HJURP: variants seen among roughly 807,000 people sequenced by gnomAD.
The protein encoded by HJURP is 14-3-3-associated AKT substrate.
Under a neutral mutation model 72.0 loss-of-function variants are expected in HJURP, and 49 were observed. The observed-to-expected ratio is 0.68, with a 90% CI of 0.54 to 0.86. The LOEUF (loss-of-function observed/expected upper bound fraction) is 0.86. Ranked by LOEUF, HJURP falls within the 40% of genes least tolerant of loss-of-function variation. The probability of loss-of-function intolerance (pLI) is 0.00; values close to 1 mark genes in which losing one functional copy is unlikely to be tolerated. For missense variants in HJURP, 908 were observed against 936.3 expected (o/e 0.97, Z 0.39); for synonymous variants, 357 against 347.1 (o/e 1.03, Z -0.32).
At position 233,841,045 on chromosome 2, in the gene HJURP, C is replaced by T; in HGVS notation, c.1735G>A (p.Glu579Lys). The T allele has an allele frequency of 6.2e-7, 1 of 1,614,216 alleles. No homozygotes were observed. Among genetic ancestry groups the T allele is most frequent in the Non-Finnish European group, 8.5e-7 (1 of 1,180,044 alleles). Reference sequence around the variant, plus strand: ...AGCTTGTCAAATTCTTCTTTAATTTCATCGTAACGATTCCTTCCGTGGCCT... The same window carrying T: ...AGCTTGTCAAATTCTTCTTTAATTTTATCGTAACGATTCCTTCCGTGGCCT... ...VPGHGRNRYD[E>K]IKEEFDKLHQ... The change falls in exon 8 of 9, where the codon GAA becomes AAA. Residue 579 changes from glutamate (E) to lysine (K), a missense_variant. By Grantham distance (56) the Glu-to-Lys change is moderately conservative. Coordinates refer to ENST00000411486, the MANE Select transcript of HJURP (RefSeq NM_018410.5).
rs375557380 is a variant in HJURP at position 233,854,532 on chromosome 2, G to C, written c.-32C>G. Reference sequence around the variant, plus strand: ...CAGCCAGTACCCAAGCGCCAACCCGGACTGCAGGGCCTCGCGCGCCACAAA... The same window carrying C: ...CAGCCAGTACCCAAGCGCCAACCCGCACTGCAGGGCCTCGCGCGCCACAAA... On this transcript the variant is annotated 5_prime_UTR_variant, in exon 1 of 9. Coordinates refer to ENST00000411486, the MANE Select transcript of HJURP (RefSeq NM_018410.5). The C allele has an allele frequency of 4.0e-6, 6 of 1,498,990 alleles. No individual in the cohort carries two copies. The African/African-American group carries it at 7.0e-5, about 17-fold the overall frequency. 92.9% of individuals were successfully genotyped at this position (1,498,990 alleles called of 1,614,324 possible).
rs1391134486 is a variant in HJURP at position 233,849,843 on chromosome 2, G to T, written c.257C>A (p.Pro86His). ...EGEIQDSSMK[P>H]ADRTDGSVQA... ...CACGGAGCCATCTGTCCTGTCCGCG[G>T]GCTTCATGGAGGAGTCCTCCAAGTG... The change falls in exon 4 of 9, where the codon CCC (proline) becomes CAC (histidine). Residue 86 changes from proline to histidine, a missense_variant. Pro to His is a moderately conservative substitution (Grantham distance 77, BLOSUM62 -2). This residue lies in a region of HJURP where 299 missense variants were observed against 286.7 expected (regional missense o/e 1.04). Transcript: ENST00000411486. The T allele has an allele frequency of 1.9e-6, 3 of 1,552,128 alleles. 1 individual carries two copies. Among genetic ancestry groups the T allele is most frequent in the South Asian group, 2.4e-5 (2 of 84,134 alleles).
chr2:233,851,119 A>G (rs1321238975), intron 3 of HJURP, among the ~76,000 whole-genome samples: 2 of 152,356 alleles, frequency 1.3e-5, no homozygotes, highest in East Asian at 3.9e-4. Flanking sequence ...TTTAAGCAAA[A>G]ACCTTAAATA....
In HJURP at chr2:233,840,875, AC is replaced by A. The variant is rs764132217; in HGVS notation, c.1904del (p.Gly635ValfsTer106). The A allele has an allele frequency of 1.9e-6, 3 of 1,613,988 alleles. No homozygotes were observed. In the South Asian group the frequency reaches 3.3e-5, roughly 18 times the overall value. On this transcript the variant is annotated frameshift_variant, in exon 8 of 9. Coordinates refer to ENST00000411486, the MANE Select transcript of HJURP (RefSeq NM_018410.5). LOFTEE classifies it high-confidence loss of function. Reference sequence around the variant, plus strand: ...GGGGTGATGATGGCAACTTCTGGAAACCCTGGAAGTGAGGGTCTGGATTTAA... The same window carrying A: ...GGGGTGATGATGGCAACTTCTGGAAACCTGGAAGTGAGGGTCTGGATTTAA... ...GKLNPDPHFQGFQKLPSSPLG... is the reference protein window; with the variant it reads ...GKLNPDPHFQXFQKLPSSPLG...
chr2:233,852,818 C>T (rs1359942137), intron 2 of HJURP, among the ~76,000 whole-genome samples, 198 bp from the exon 3 acceptor site: 1 of 152,198 alleles, frequency 6.6e-6, no homozygotes, highest in Non-Finnish European at 1.5e-5. Flanking sequence ...TCATGGAAAT[C>T]TCTCCTACCT....
chr2:233,840,771 C>T lies in HJURP; in HGVS notation c.2009G>A (p.Arg670Lys), dbSNP rs963161417. 2 of 1,613,680 alleles carry T rather than the reference C, an allele frequency of 1.2e-6. No individual in the cohort carries two copies. Among genetic ancestry groups the T allele is most frequent in the East Asian group, 2.2e-5 (1 of 44,868 alleles). The change falls in exon 8 of 9, where the codon AGG becomes AAG. Residue 670 changes from arginine (R) to lysine (K), a missense_variant. By Grantham distance (26) the Arg-to-Lys change is conservative. Coordinates refer to ENST00000411486, the MANE Select transcript of HJURP (RefSeq NM_018410.5). ...GAACTGATGGTCCCTCGTGCCATCCCTCGTGATGGCACGAGCAACACATGT... is the reference window on the plus strand; with the variant it reads ...GAACTGATGGTCCCTCGTGCCATCCTTCGTGATGGCACGAGCAACACATGT... ...SSTCVARAIT[R>K]DGTRDHQFPA...
chr2:233,849,920 C>T, intron 3 of HJURP, 61 bp from the exon 4 acceptor site: 1 of 996,922 alleles, frequency 1.0e-6, no homozygotes, highest in Non-Finnish European at 1.5e-6. Context: ...TTCAAAGTCA[C>T]CGCAAAATAA....
At position 233,846,321 on chromosome 2, in the gene HJURP, G is replaced by T. The variant is rs1011525142; in HGVS notation, c.403-501C>A. Reference sequence around the variant, plus strand: ...ACAAAAATTAGCTGGGCATGGTGGTGGGCGCCTGTAGTCCCAGCTACTTGG... The same window carrying T: ...ACAAAAATTAGCTGGGCATGGTGGTTGGCGCCTGTAGTCCCAGCTACTTGG... On this transcript the variant is annotated intron_variant, in intron 5 of 8. Transcript: ENST00000411486. This position sits in a 1 kb window ranked among gnomAD's most constrained non-coding sequence, Gnocchi z 4.3. Among the ~76,000 whole-genome samples the T allele has an allele frequency of 6.6e-6, 1 of 152,026 alleles. No individual in the cohort carries two copies. Among genetic ancestry groups the T allele is most frequent in the Non-Finnish European group, 1.5e-5 (1 of 67,994 alleles).
At position 233,841,634 on chromosome 2, in the gene HJURP, C is replaced by A; in HGVS notation, c.1146G>T (p.Ser382=). 1 of 1,614,144 alleles carries A rather than the reference C, an allele frequency of 6.2e-7. No homozygotes were observed. Among genetic ancestry groups the A allele is most frequent in the Non-Finnish European group, 8.5e-7 (1 of 1,180,012 alleles). The change falls in exon 8 of 9, where the codon TCG becomes TCT. Residue 382 remains serine, a synonymous_variant. Transcript: ENST00000411486. ...CGAAGTAAATCAAGGAAGAATACTT[C>A]GAGGGTGTCACTTTGCGCTCCTTCC... ...PSWKERKVTP[S]KYSSLIYFDS... is the part of the protein sequence containing the mutation.
intron 6 of HJURP, among the ~76,000 whole-genome samples, chr2:233,845,500 C>A (rs1705340018): frequency 6.6e-6 from 1 of 152,162 alleles, no homozygotes; most frequent in Non-Finnish European, 1.5e-5. Flanking sequence ...GGGCAGAGCA[C>A]CCCTGCCAGG....
In HJURP at chr2:233,849,834, C is replaced by A; in HGVS notation, c.266G>T (p.Arg89Met). The A allele has an allele frequency of 6.4e-7, 1 of 1,553,000 alleles. No homozygotes were observed. The highest frequency in any genetic ancestry group is 1.4e-5 in the African/African-American group (1 of 73,306). The stretch of plus-strand genomic sequence containing the variant: ...TGCAGCTTGCACGGAGCCATCTGTC[C>A]TGTCCGCGGGCTTCATGGAGGAGTC... ...IQDSSMKPAD[R>M]TDGSVQAAAW... The change falls in exon 4 of 9, where the codon AGG becomes ATG. Residue 89 changes from arginine to methionine, a missense_variant. Transcript: ENST00000411486.
At chr2:233,850,423 G>A (rs370669231) in intron 3 of HJURP, among the ~76,000 whole-genome samples, 4 of 152,204 alleles carry the variant, frequency 2.6e-5, no homozygotes, top group African/African-American at 9.6e-5. Flanking sequence ...GCCTGCTTCA[G>A]CTCTCCAGAG....
At chr2:233,842,671 T>TGACTG (rs1705261854) in intron 7 of HJURP, among the ~76,000 whole-genome samples, 1 of 151,896 alleles carries the variant, frequency 6.6e-6, no homozygotes. Context: ...GTTAAATTGA[T>TGACTG]AAAGAGAAAA....
In HJURP at chr2:233,841,635, G is replaced by C. The variant is rs778621920; in HGVS notation, c.1145C>G (p.Ser382Trp). 1 of 1,614,142 alleles carries C rather than the reference G, an allele frequency of 6.2e-7. No individual in the cohort carries two copies. The highest frequency in any genetic ancestry group is 8.5e-7 in the Non-Finnish European group (1 of 1,180,002). The change falls in exon 8 of 9, where the codon TCG becomes TGG. Residue 382 changes from serine (S) to tryptophan (W), a missense_variant. By Grantham distance (177) the Ser-to-Trp change is radical. Transcript: ENST00000411486. ...PSWKERKVTP[S>W]KYSSLIYFDS... ...GAAGTAAATCAAGGAAGAATACTTC[G>C]AGGGTGTCACTTTGCGCTCCTTCCA...
At chr2:233,844,942 G>A (rs1705321009) in intron 6 of HJURP, among the ~76,000 whole-genome samples, 1 of 151,964 alleles carries the variant, frequency 6.6e-6, no homozygotes, top group Admixed American at 6.6e-5. Context: ...GCAGGTGAGT[G>A]TGCCCACCTC....
At position 233,841,138 on chromosome 2, in the gene HJURP, T is replaced by C. The variant is rs1705216333; in HGVS notation, c.1642A>G (p.Ser548Gly). The change falls in exon 8 of 9, where the codon AGT becomes GGT. Residue 548 changes from serine to glycine, a missense_variant. By Grantham distance (56) the Ser-to-Gly change is moderately conservative (BLOSUM62 0). This residue lies in a region of HJURP where 598 missense variants were observed against 619.5 expected (regional missense o/e 0.97). Transcript: ENST00000411486. ...QTSDLHVQGN[S>G]SGIFRKSVSP... ...ACTGACTTTCTAAATATTCCAGAAC[T>C]ATTTCCCTGAACGTGAAGGTCAGAT... 1 of 1,614,146 alleles carries C rather than the reference T, an allele frequency of 6.2e-7. No individual in the cohort carries two copies. Among genetic ancestry groups the C allele is most frequent in the Admixed American group, 1.7e-5 (1 of 60,024 alleles).
chr2:233,844,400 G>C (rs1705306322), intron 6 of HJURP, 117 bp from the exon 7 acceptor site: 3 of 756,544 alleles, frequency 4.0e-6, no homozygotes, highest in Non-Finnish European at 6.9e-6. Flanking sequence ...ATGTCGACAA[G>C]CGTGTGAATG....
At chr2:233,849,451 A>G (rs1395297087) in intron 4 of HJURP, among the ~76,000 whole-genome samples, 1 of 152,114 alleles carries the variant, frequency 6.6e-6, no homozygotes, top group Admixed American at 6.6e-5. Context: ...GTGAGGGTTC[A>G]CAACACCACC....
Position 233,854,527 on chromosome 2 carries a change from A to G in HJURP, c.-27T>C, listed in dbSNP as rs772960994. The stretch of plus-strand genomic sequence containing the variant: ...GGACCCAGCCAGTACCCAAGCGCCA[A>G]CCCGGACTGCAGGGCCTCGCGCGCC... On this transcript the variant is annotated 5_prime_UTR_variant, in exon 1 of 9. Coordinates refer to ENST00000411486, the MANE Select transcript of HJURP (RefSeq NM_018410.5). 4.5e-6 allele frequency: 7 copies of G among 1,541,016 alleles called. No homozygotes were observed. The Admixed American group carries it at 1.1e-4, about 24-fold the overall frequency.
Sources: allele counts gnomAD v4.1 joint callset (sites outside exome capture counted in the v4.1 genomes callset), GRCh38; gene constraint gnomAD v4.1.1; regional missense constraint gnomAD v4.1.1; non-coding constraint Gnocchi (gnomAD v3.1); transcripts MANE v1.5; gene names NCBI Gene and HGNC (gene_info 2026-07-23, HGNC 2026-07-21).